The following CHLSN variants were observed in gnomAD, a reference collection of about 807,000 sequenced individuals.
CHLSN encodes the protein protein cholesin.
At chr7:1,046,002 T>C in the CHLSN span, among the ~76,000 whole-genome samples, 1 of 152,196 alleles carries the variant, frequency 6.6e-6, no homozygotes, top group Non-Finnish European at 1.5e-5. Context: ...TAAGCCCCAG[T>C]AGGCTGATGA....
the CHLSN span, among the ~76,000 whole-genome samples, chr7:1,070,914 A>C: frequency 7.3e-6 from 1 of 137,376 alleles, no homozygotes; most frequent in Non-Finnish European, 1.5e-5. Context: ...GCACGCACAC[A>C]CACAGCACGC....
chr7:983,980 C>T, the CHLSN span, among the ~76,000 whole-genome samples: 4 of 152,172 alleles, frequency 2.6e-5, no homozygotes, highest in African/African-American at 9.7e-5. Context: ...TCCGGCTGCC[C>T]CCAACTGCGG....
At chr7:1,055,364 A>G in the CHLSN span, 12 of 470,788 alleles carry the variant, frequency 2.5e-5, no homozygotes, top group South Asian at 1.9e-4. Flanking sequence ...GGGTTTGCAG[A>G]GAAGCGCAGC....
At chr7:1,047,268 C>T in the CHLSN span, among the ~76,000 whole-genome samples, 2 of 152,198 alleles carry the variant, frequency 1.3e-5, no homozygotes, top group African/African-American at 4.8e-5. Flanking sequence ...GTCCTGGAGC[C>T]GCAAACATGC....
chr7:1,042,731 C>T, the CHLSN span, among the ~76,000 whole-genome samples: 1 of 152,156 alleles, frequency 6.6e-6, no homozygotes, highest in African/African-American at 2.4e-5. Context: ...CCCACAGAGC[C>T]TGGCATTACA....
chr7:1,081,330 A>G, the CHLSN span, among the ~76,000 whole-genome samples: 10,564 of 152,320 alleles, frequency 0.069, 446 homozygotes, highest in Non-Finnish European at 0.093. Flanking sequence ...CCCTCTCCTA[A>G]GACCCCCAAG....
the CHLSN span, chr7:1,021,250 C>G: frequency 2.3e-5 from 10 of 436,280 alleles, no homozygotes; most frequent in Non-Finnish European, 3.0e-5. Flanking sequence ...AACCTCCAGG[C>G]TGAGGATCTC....
chr7:1,027,009 G>C, the CHLSN span: 1 of 152,168 alleles, frequency 6.6e-6, no homozygotes, highest in Non-Finnish European at 1.5e-5. Flanking sequence ...CGGAGACACA[G>C]CACCCGCCGT....
At chr7:1,098,252 C>T in the CHLSN span, among the ~76,000 whole-genome samples, 3 of 152,160 alleles carry the variant, frequency 2.0e-5, no homozygotes, top group East Asian at 3.8e-4. Context: ...ACAGGACAAA[C>T]GTTATCCACT....
the CHLSN span, among the ~76,000 whole-genome samples, chr7:1,036,485 T>C: frequency 6.6e-6 from 1 of 150,426 alleles, no homozygotes; most frequent in Non-Finnish European, 1.5e-5. Flanking sequence ...GTGCTCGTGG[T>C]GTGGCCGTGT....
chr7:1,102,733 C>T, the CHLSN span, among the ~76,000 whole-genome samples: 1 of 152,254 alleles, frequency 6.6e-6, no homozygotes, highest in African/African-American at 2.4e-5. Flanking sequence ...GGGCCGCCCG[C>T]AGGCACGGTG....
chr7:1,101,689 G>A, the CHLSN span, among the ~76,000 whole-genome samples: 1 of 152,244 alleles, frequency 6.6e-6, no homozygotes, highest in Admixed American at 6.5e-5. Context: ...TGCCTCCTGA[G>A]AGGGCCCACT....
the CHLSN span, chr7:1,000,397 G>A: frequency 2.9e-5 from 29 of 992,910 alleles, no homozygotes; most frequent in East Asian, 7.3e-5. Flanking sequence ...CTCAGCCCCC[G>A]GGGGGACGTG....
At chr7:1,016,893 C>T in the CHLSN span, among the ~76,000 whole-genome samples, 4 of 137,460 alleles carry the variant, frequency 2.9e-5, no homozygotes, top group Admixed American at 7.2e-5. Flanking sequence ...CACACACCAG[C>T]GCACAGCAGC....
chr7:1,092,477 T>C, the CHLSN span: 1 of 1,607,944 alleles, frequency 6.2e-7, no homozygotes, highest in Non-Finnish European at 8.5e-7. Context: ...CACCGTGGGC[T>C]GCGGCCCCGG....
chr7:1,110,671 C>T, the CHLSN span, among the ~76,000 whole-genome samples: 1 of 152,226 alleles, frequency 6.6e-6, no homozygotes, highest in African/African-American at 2.4e-5. Context: ...TGGGAGGCCG[C>T]TGTCTGTGTA....
chr7:1,047,479 C>T, the CHLSN span, among the ~76,000 whole-genome samples: 1 of 152,258 alleles, frequency 6.6e-6, no homozygotes, highest in Non-Finnish European at 1.5e-5. Context: ...CGTAAGCTCT[C>T]CACGTGGAAA....
chr7:1,059,278 T>C, the CHLSN span: 2 of 165,024 alleles, frequency 1.2e-5, no homozygotes, highest in East Asian at 3.9e-4. Context: ...GATTTCTGAC[T>C]GAATACCAGA....
At chr7:1,095,458 G>A in the CHLSN span, among the ~76,000 whole-genome samples, 1 of 152,188 alleles carries the variant, frequency 6.6e-6, no homozygotes, top group African/African-American at 2.4e-5. Context: ...CAGAAAGCAG[G>A]CGGGGTGGGT....
Sources: gnomAD v4.1 joint callset for allele counts (sites outside exome capture counted in the v4.1 genomes callset) on GRCh38, gnomAD v4.1.1 for gene constraint, MANE v1.5 for transcripts, NCBI Gene and HGNC (gene_info 2026-07-23, HGNC 2026-07-21) for gene names.